The following NXNL2 variants were observed in gnomAD, a reference collection of about 807,000 sequenced individuals.
NXNL2 encodes nucleoredoxin-like protein 2.
A neutral mutation model predicts 11.1 loss-of-function variants in NXNL2; 7 were observed. That is an observed-to-expected ratio of 0.63 (90% CI 0.36 to 1.18). The LOEUF (loss-of-function observed/expected upper bound fraction) is 1.18. Ranked by LOEUF, NXNL2 falls within the 50% of genes most tolerant of loss-of-function variation. NXNL2 has a pLI of 0.02. For synonymous variants in NXNL2, 109 were observed against 101.8 expected (o/e 1.07, Z -0.42); for missense variants, 233 against 217.7 (o/e 1.07, Z -0.44).
At chr9:88,567,861 A>G (rs984304800) in intron 1 of NXNL2, among the ~76,000 whole-genome samples, 2 of 152,014 alleles carry the variant, frequency 1.3e-5, no homozygotes, top group Admixed American at 6.6e-5. Flanking sequence ...GTTGCTCTCC[A>G]CTCCCTACAG....
chr9:88,581,736 G>A (rs1830410895), intron 1 of NXNL2, among the ~76,000 whole-genome samples: 2 of 152,184 alleles, frequency 1.3e-5, no homozygotes, highest in Admixed American at 6.5e-5. Context: ...GATTACAGGC[G>A]TGAGCCACTG....
At chr9:88,573,265 T>C (rs1390100213) in intron 2 of NXNL2, among the ~76,000 whole-genome samples, 1 of 152,064 alleles carries the variant, frequency 6.6e-6, no homozygotes, top group Non-Finnish European at 1.5e-5. Flanking sequence ...TACCTCAGCC[T>C]CCCGGAGAGC....
At chr9:88,538,496 T>A (rs1264386241) in intron 1 of NXNL2, 1 of 152,186 alleles carries the variant, frequency 6.6e-6, no homozygotes, top group East Asian at 1.9e-4. Context: ...TTCTGCCACG[T>A]CTGCCCCTTG....
intron 1 of NXNL2, among the ~76,000 whole-genome samples, chr9:88,541,982 G>A (rs2118414172): frequency 6.6e-6 from 1 of 152,096 alleles, no homozygotes; most frequent in East Asian, 2.0e-4. Context: ...TGTAATCCCA[G>A]CACTTTGGGA....
chr9:88,568,085 G>A (rs1280980587), intron 1 of NXNL2, among the ~76,000 whole-genome samples: 2 of 152,162 alleles, frequency 1.3e-5, no homozygotes, highest in African/African-American at 2.4e-5. Flanking sequence ...CTGGGCTAGG[G>A]GATACCCAGG....
chr9:88,556,263 C>A (rs1414597446), intron 1 of NXNL2, among the ~76,000 whole-genome samples: 5 of 152,154 alleles, frequency 3.3e-5, no homozygotes, highest in Non-Finnish European at 7.3e-5. Context: ...CATGGGGAGG[C>A]CACCTGGCAA....
At chr9:88,545,136 C>T (rs1445865468), downstream of NXNL2, among the ~76,000 whole-genome samples, 1 of 152,112 alleles carries the variant, frequency 6.6e-6, no homozygotes, top group Non-Finnish European at 1.5e-5. Flanking sequence ...GTTTTCTTTA[C>T]ACTTATTTGT....
At chr9:88,580,170 TG>T (rs1439583886), downstream of NXNL2, among the ~76,000 whole-genome samples, 49 of 144,542 alleles carry the variant, frequency 3.4e-4, no homozygotes, top group African/African-American at 1.0e-3. Context: ...TTTTTTTTTT[TG>T]AGATGGAGTT....
chr9:88,572,663 G>A (rs1830289263), intron 2 of NXNL2, among the ~76,000 whole-genome samples: 1 of 152,196 alleles, frequency 6.6e-6, no homozygotes, highest in Admixed American at 6.5e-5. Context: ...GGGGGATCAT[G>A]AGTATCCCTC....
chr9:88,542,119 G>C (rs912518390), intron 1 of NXNL2, among the ~76,000 whole-genome samples: 4 of 151,284 alleles, frequency 2.6e-5, no homozygotes, highest in African/African-American at 9.7e-5. Context: ...TGTAGTCCCA[G>C]CTACTCGGGA....
Position 88,564,830 on chromosome 9 carries a change from C to G in NXNL2, c.303-6257C>G, listed in dbSNP as rs72757734. 3.7e-3 allele frequency among the ~76,000 whole-genome samples: 564 copies of G among 152,228 alleles called. 1 individual carries two copies. Among genetic ancestry groups the G allele is most frequent in the Non-Finnish European group, 5.9e-3 (401 of 67,970 alleles). ...TATACATTTACTAATATTTCTTTTTCTTTAGATCTCTTGATTCTTATTTTG... is the reference window on the plus strand; with the variant it reads ...TATACATTTACTAATATTTCTTTTTGTTTAGATCTCTTGATTCTTATTTTG... On this transcript the variant is annotated intron_variant, in intron 1 of 2. Coordinates refer to the NXNL2 transcript ENST00000375855.
At chr9:88,579,903 G>A (rs1282731328), downstream of NXNL2, among the ~76,000 whole-genome samples, 2 of 151,964 alleles carry the variant, frequency 1.3e-5, no homozygotes, top group African/African-American at 4.8e-5. Context: ...GGCTGAGGAG[G>A]GTGGATCACG....
chr9:88,575,157 C>T, exon 3 of NXNL2: 1 of 984,868 alleles, frequency 1.0e-6, no homozygotes. Context: ...CAGCTGTTCT[C>T]CCCCCGCACC....
intron 1 of NXNL2, among the ~76,000 whole-genome samples, chr9:88,541,044 C>T (rs1388894612): frequency 7.4e-6 from 1 of 135,198 alleles, no homozygotes; most frequent in African/African-American, 2.9e-5. Flanking sequence ...CTCCTGGGTT[C>T]AAGCGATCCT....
chr9:88,544,596 C>A lies in NXNL2; in HGVS notation c.*49C>A. The A allele has an allele frequency of 6.8e-7, 1 of 1,464,210 alleles. No individual in the cohort carries two copies. The highest frequency in any genetic ancestry group is 1.4e-5 in the South Asian group (1 of 70,350). 90.7% of individuals were successfully genotyped at this position (1,464,210 alleles called of 1,614,324 possible). A position where few individuals can be genotyped will look rare whatever the true frequency, so the allele number is the denominator to read the frequency against. ...AGGACAGGTGCTGCTTCTCCAGCAC[C>A]GACGCTGGGGCAAAGAGGAGCATGT... On this transcript the variant is annotated 3_prime_UTR_variant, in exon 2 of 2. Coordinates refer to ENST00000375854, the MANE Select transcript of NXNL2 (RefSeq NM_001161625.2).
rs59133640 is a variant in NXNL2, at chr9:88,552,473, G to GTTTTTTTTTTTT, written c.302+16743_302+16754dup. On this transcript the variant is annotated intron_variant, in intron 1 of 2. Transcript: ENST00000375855. ...CTAGTTTTCTGCTTTAAACATGCAT[G>GTTTTTTTTTTTT]TTTTTTTTTTTTTTTTTGAGATGGA... Among the ~76,000 whole-genome samples the GTTTTTTTTTTTT allele has an allele frequency of 2.4e-3, 322 of 131,504 alleles. 6 individuals carry two copies. The highest frequency in any genetic ancestry group is 7.8e-3 in the African/African-American group (275 of 35,466). The allele number at this position is 131,504 out of a possible 152,430, so 86.3% of individuals were successfully genotyped here.
chr9:88,570,686 C>T (rs1385404775), intron 1 of NXNL2, among the ~76,000 whole-genome samples: 3 of 152,162 alleles, frequency 2.0e-5, no homozygotes, highest in Admixed American at 2.0e-4. Context: ...ATGCTTGGTT[C>T]ATTTGGTTAG....
chr9:88,541,405 TGC>T (rs1829758392), intron 1 of NXNL2, among the ~76,000 whole-genome samples: 1 of 151,844 alleles, frequency 6.6e-6, no homozygotes, highest in Non-Finnish European at 1.5e-5. Flanking sequence ...GGACTACAGG[TGC>T]GTGCAACCAC....
At chr9:88,580,679 T>G (rs1830399730), downstream of NXNL2, among the ~76,000 whole-genome samples, 1 of 152,216 alleles carries the variant, frequency 6.6e-6, no homozygotes, top group African/African-American at 2.4e-5. Flanking sequence ...TATGTTAAGA[T>G]AGTCAATCCC....
Sources: gnomAD v4.1 joint callset for allele counts (sites outside exome capture counted in the v4.1 genomes callset) on GRCh38, gnomAD v4.1.1 for gene constraint, MANE v1.5 for transcripts, NCBI Gene and HGNC (gene_info 2026-07-23, HGNC 2026-07-21) for gene names.